Variants in DNAJC11 observed in about 807,000 individuals in gnomAD.
DNAJC11 encodes the protein dnaJ homolog subfamily C member 11.
DNAJC11 carries 15 observed loss-of-function variants against 78.6 expected under a neutral mutation model. The ratio of observed to expected loss-of-function variants is 0.19; its 90% CI spans 0.13 to 0.29. The LOEUF is 0.29. DNAJC11 is among the 10% of genes least tolerant of loss of function. DNAJC11 has a pLI of 1.00. For synonymous variants in DNAJC11, 292 were observed against 272.1 expected (o/e 1.07, Z -0.72); for missense variants, 547 against 709.6 (o/e 0.77, Z 2.60).
At chr1:6,687,800 C>G (rs182151430) in intron 1 of DNAJC11, among the ~76,000 whole-genome samples, 1 of 152,042 alleles carries the variant, frequency 6.6e-6, no homozygotes, top group Non-Finnish European at 1.5e-5. Flanking sequence ...AAATAAACCC[C>G]AATGATGTAT....
chr1:6,674,815 T>C (rs947461127), intron 3 of DNAJC11, among the ~76,000 whole-genome samples: 1 of 151,566 alleles, frequency 6.6e-6, no homozygotes, highest in African/African-American at 2.4e-5. Flanking sequence ...GGTTGGGGAG[T>C]GATTTCTAGT....
Position 6,634,326 on chromosome 1 carries a change from TG to T in DNAJC11, c.*1348del. 1 of 1,041,602 alleles carries T rather than the reference TG, an allele frequency of 9.6e-7. No homozygotes were observed. Among genetic ancestry groups the T allele is most frequent in the Non-Finnish European group, 1.3e-6 (1 of 746,228 alleles). The allele number at this position is 1,041,602 out of a possible 1,614,324, so 64.5% of individuals were successfully genotyped here. A position where few individuals can be genotyped will look rare whatever the true frequency, so the allele number is the denominator to read the frequency against. On this transcript the variant is annotated 3_prime_UTR_variant, in exon 16 of 16. Coordinates refer to ENST00000377577, the MANE Select transcript of DNAJC11 (RefSeq NM_018198.4). ...ACGACGCTCACCGCGGCTCGGGCCG[TG>T]GGGCCGTCAGAGAAACCTTTTTAAA...
At chr1:6,674,764 ACAACTGGG>A (rs1174856750) in intron 3 of DNAJC11, among the ~76,000 whole-genome samples, 1 of 151,954 alleles carries the variant, frequency 6.6e-6, no homozygotes, top group Non-Finnish European at 1.5e-5. Flanking sequence ...CTAATGACTG[ACAACTGGG>A]CCAGTATTTT....
intron 6 of DNAJC11, 34 bp downstream of exon 6, chr1:6,652,795 C>T: frequency 1.2e-6 from 2 of 1,613,652 alleles, no homozygotes; most frequent in South Asian, 2.2e-5. Flanking sequence ...AGGCTTTGCA[C>T]AGACAACACA....
intron 1 of DNAJC11, among the ~76,000 whole-genome samples, chr1:6,698,521 G>A (rs772510223): frequency 1.4e-4 from 21 of 151,722 alleles, no homozygotes; most frequent in Non-Finnish European, 2.8e-4. Context: ...GTTTGCTGAC[G>A]AAGACAACAG....
At chr1:6,699,877 T>G (rs1271569194) in intron 1 of DNAJC11, among the ~76,000 whole-genome samples, 4 of 152,198 alleles carry the variant, frequency 2.6e-5, no homozygotes, top group Admixed American at 2.6e-4. Context: ...TCACTGGACA[T>G]TCTCATAGTA....
chr1:6,640,480 C>G (rs1641858091), intron 10 of DNAJC11, among the ~76,000 whole-genome samples: 1 of 152,136 alleles, frequency 6.6e-6, no homozygotes. Context: ...GGTTCTGCTT[C>G]CAGTGGTGGC....
chr1:6,660,934 G>C (rs985411347), intron 4 of DNAJC11, among the ~76,000 whole-genome samples: 23 of 152,226 alleles, frequency 1.5e-4, no homozygotes, highest in African/African-American at 5.3e-4. Context: ...TGTACTCGTT[G>C]AGTAGAATCA....
chr1:6,638,635 C>A (rs1425730036), intron 11 of DNAJC11, among the ~76,000 whole-genome samples: 1 of 152,152 alleles, frequency 6.6e-6, no homozygotes, highest in East Asian at 1.9e-4. Flanking sequence ...GAAAGAAGAC[C>A]CCACCACAGG....
intron 4 of DNAJC11, among the ~76,000 whole-genome samples, chr1:6,656,470 C>T (rs1362584896): frequency 6.6e-6 from 1 of 151,626 alleles, no homozygotes; most frequent in Non-Finnish European, 1.5e-5. Context: ...AAAGACAATA[C>T]CTGTCAAAAT....
chr1:6,683,225 G>A (rs1642582875), intron 1 of DNAJC11, among the ~76,000 whole-genome samples: 1 of 152,182 alleles, frequency 6.6e-6, no homozygotes, highest in Non-Finnish European at 1.5e-5. Flanking sequence ...ATGCTCATGT[G>A]GTTCGCTCTG....
At chr1:6,650,061 A>ACTGCT (rs1642030444) in intron 7 of DNAJC11, among the ~76,000 whole-genome samples, 1 of 150,858 alleles carries the variant, frequency 6.6e-6, no homozygotes. Context: ...AGGTGGGAGG[A>ACTGCT]TCACCTGAGG....
chr1:6,699,633 T>C (rs1223847744), intron 1 of DNAJC11, among the ~76,000 whole-genome samples: 1 of 152,036 alleles, frequency 6.6e-6, no homozygotes, highest in Non-Finnish European at 1.5e-5. Context: ...GCTAAATAAG[T>C]GATTAGCCCA....
intron 1 of DNAJC11, among the ~76,000 whole-genome samples, chr1:6,682,892 T>A (rs1201751857): frequency 6.6e-6 from 1 of 152,098 alleles, no homozygotes; most frequent in East Asian, 1.9e-4. Flanking sequence ...ACCACTGCAC[T>A]CCAGCCTGGG....
intron 1 of DNAJC11, among the ~76,000 whole-genome samples, chr1:6,700,776 T>C (rs1557493774): frequency 6.6e-6 from 1 of 152,216 alleles, no homozygotes; most frequent in Non-Finnish European, 1.5e-5. Context: ...TTGGTTAGCA[T>C]AGCCAAACTT....
chr1:6,649,948 A>G (rs1642028772), intron 7 of DNAJC11, among the ~76,000 whole-genome samples: 1 of 151,940 alleles, frequency 6.6e-6, no homozygotes, highest in Non-Finnish European at 1.5e-5. Flanking sequence ...ATGTTTGTAC[A>G]TGTTTGTACA....
At chr1:6,636,036 G>A in intron 15 of DNAJC11, 81 bp downstream of exon 15, 1 of 1,512,418 alleles carries the variant, frequency 6.6e-7, no homozygotes, top group South Asian at 1.3e-5. Context: ...GGTGGAAGGT[G>A]GCTGGCAGCC....
chr1:6,665,195 G>C (rs1459825680), intron 4 of DNAJC11, among the ~76,000 whole-genome samples: 5 of 152,174 alleles, frequency 3.3e-5, no homozygotes, highest in African/African-American at 4.8e-5. Context: ...TGCCTCCCAA[G>C]TAGCCTGGAC....
chr1:6,672,996 G>A (rs1642404106), intron 3 of DNAJC11, among the ~76,000 whole-genome samples: 1 of 152,012 alleles, frequency 6.6e-6, no homozygotes. Context: ...AGGTGTTTGA[G>A]ACCAGCCTGG....
Sources: gnomAD v4.1 joint callset for allele counts (sites outside exome capture counted in the v4.1 genomes callset) on GRCh38, gnomAD v4.1.1 for gene constraint, MANE v1.5 for transcripts, NCBI Gene and HGNC (gene_info 2026-07-23, HGNC 2026-07-21) for gene names.